The following AVEN variants were observed in gnomAD, a reference collection of about 807,000 sequenced individuals.
The protein encoded by AVEN is apoptosis and caspase activation inhibitor.
In AVEN, 41 loss-of-function variants were observed where a neutral mutation model predicts 38.1. That is an observed-to-expected ratio of 1.08 (90% CI 0.84 to 1.40). The LOEUF is 1.40. AVEN is among the 40% of genes most tolerant of loss of function. The pLI is 0.00. For synonymous variants in AVEN, 206 were observed against 171.8 expected (o/e 1.20, Z -1.56); for missense variants, 605 against 438.8 (o/e 1.38, Z -3.38).
chr15:34,007,909 C>A (rs564863418), intron 1 of AVEN, among the ~76,000 whole-genome samples: 2 of 152,284 alleles, frequency 1.3e-5, no homozygotes, highest in African/African-American at 2.4e-5. Flanking sequence ...GCATTTTCTC[C>A]TCTATGGGTG....
intron 2 of AVEN, among the ~76,000 whole-genome samples, chr15:33,983,589 T>A (rs983864727): frequency 6.6e-6 from 1 of 152,112 alleles, no homozygotes; most frequent in Non-Finnish European, 1.5e-5. Flanking sequence ...AAAAACAGTA[T>A]CTTTGCATAG....
rs749177881 is a variant in AVEN at position 33,875,919 on chromosome 15, T to C, written c.516+6A>G. The C allele has an allele frequency of 1.5e-5, 24 of 1,612,596 alleles. No homozygotes were observed. In the South Asian group the frequency reaches 2.4e-4, roughly 16 times the overall value. The stretch of plus-strand genomic sequence containing the variant: ...CAGTCCACACTTAACACAACTCTTA[T>C]CTTACCTGTTTTGGACAAGAAGCTT... On this transcript the variant is annotated splice_donor_region_variant and intron_variant, in intron 3 of 5. Transcript: ENST00000306730.
intron 2 of AVEN, among the ~76,000 whole-genome samples, chr15:33,995,631 A>T (rs1896901580): frequency 6.6e-6 from 1 of 152,188 alleles, no homozygotes; most frequent in Admixed American, 6.5e-5. Flanking sequence ...TTCTGCTCAG[A>T]CATTTTTCGA....
chr15:34,031,168 A>ATTTTTTTTTTTTTT (rs34414446), intron 1 of AVEN, among the ~76,000 whole-genome samples: 4 of 67,598 alleles, frequency 5.9e-5, no homozygotes, highest in African/African-American at 6.0e-5. Context: ...GCTTAGGTTA[A>ATTTTTTTTTTTTTT]TTTTTTTTTT....
At chr15:33,925,731 C>T (rs2153049086) in intron 2 of AVEN, among the ~76,000 whole-genome samples, 1 of 152,284 alleles carries the variant, frequency 6.6e-6, no homozygotes, top group East Asian at 1.9e-4. Flanking sequence ...TATGCTGATA[C>T]TCTCTTTAGT....
chr15:33,857,464 C>G (rs1262678551), downstream of AVEN, among the ~76,000 whole-genome samples: 1 of 152,112 alleles, frequency 6.6e-6, no homozygotes, highest in African/African-American at 2.4e-5. Flanking sequence ...GGCTGTATCT[C>G]CATCTCCAAA....
At chr15:33,961,649 T>C (rs1895177530) in intron 2 of AVEN, among the ~76,000 whole-genome samples, 1 of 150,934 alleles carries the variant, frequency 6.6e-6, no homozygotes, top group African/African-American at 2.4e-5. Context: ...CCGTCTCTAC[T>C]AAAAACACAA....
chr15:33,864,240 T>G, downstream of AVEN: 1 of 1,445,838 alleles, frequency 6.9e-7, no homozygotes, highest in African/African-American at 1.4e-5. Flanking sequence ...TTCCTAAATC[T>G]TGAGACTTAG....
At chr15:33,909,851 G>C (rs192132363) in intron 2 of AVEN, among the ~76,000 whole-genome samples, 1 of 151,956 alleles carries the variant, frequency 6.6e-6, no homozygotes, top group Non-Finnish European at 1.5e-5. Context: ...TTTGCTGGCC[G>C]GGCACGGTGG....
chr15:33,882,785 T>C (rs568965437), intron 2 of AVEN, among the ~76,000 whole-genome samples: 93 of 151,744 alleles, frequency 6.1e-4, no homozygotes, highest in African/African-American at 1.5e-3. Context: ...AGGTGGGAGA[T>C]TGCTTGAGCC....
At position 33,992,212 on chromosome 15, in the gene AVEN, C is replaced by T. The variant is rs953442713; in HGVS notation, c.445+10820G>A. ...ACCATCCTGGCTAACAAGGTGAAAC[C>T]CCGTCTCTACTAAAAAAATACAAAA... is the stretch of plus-strand genomic sequence containing the variant. On this transcript the variant is annotated intron_variant, in intron 2 of 5. Transcript: ENST00000306730. 2.9e-4 allele frequency among the ~76,000 whole-genome samples: 44 copies of T among 152,230 alleles called. 1 individual carries two copies. The highest frequency in any genetic ancestry group is 2.8e-4 in the Non-Finnish European group (19 of 68,026).
At chr15:33,871,986 T>C (rs948689737) in intron 3 of AVEN, among the ~76,000 whole-genome samples, 5 of 152,170 alleles carry the variant, frequency 3.3e-5, no homozygotes, top group Admixed American at 6.6e-5. Flanking sequence ...CGGTGCATTA[T>C]TTTTGCCTGG....
chr15:33,930,206 C>T (rs1198994371), intron 2 of AVEN, among the ~76,000 whole-genome samples: 1 of 152,124 alleles, frequency 6.6e-6, no homozygotes, highest in Non-Finnish European at 1.5e-5. Context: ...CTATTGTTTC[C>T]TACTCTAAGA....
intron 5 of AVEN, among the ~76,000 whole-genome samples, chr15:34,047,566 C>CA (rs1183123846): frequency 6.6e-6 from 1 of 152,158 alleles, no homozygotes; most frequent in Non-Finnish European, 1.5e-5. Flanking sequence ...CAGTAAAAGC[C>CA]AGAGTCTGCC....
chr15:33,961,487 A>G (rs909899182), intron 2 of AVEN, among the ~76,000 whole-genome samples: 76 of 152,078 alleles, frequency 5.0e-4, no homozygotes, highest in Non-Finnish European at 1.3e-4. Context: ...GTGAATGCCA[A>G]CCTCTGAGAT....
At chr15:33,859,529 C>G (rs780777814) in intron 11 of AVEN, 5 of 1,606,984 alleles carry the variant, frequency 3.1e-6, no homozygotes, top group Non-Finnish European at 4.3e-6. Flanking sequence ...TTGCTAAAAA[C>G]AGAACTGTGA....
chr15:33,876,179 G>A (rs1488025496), intron 2 of AVEN, among the ~76,000 whole-genome samples, 184 bp from the exon 3 acceptor site: 5 of 151,060 alleles, frequency 3.3e-5, no homozygotes, highest in South Asian at 4.3e-4. Flanking sequence ...AGATGACAAT[G>A]TTAACATTTG....
intron 2 of AVEN, among the ~76,000 whole-genome samples, chr15:33,927,498 T>G (rs554463747): frequency 2.0e-5 from 3 of 152,266 alleles, no homozygotes; most frequent in African/African-American, 7.2e-5. Flanking sequence ...TTTCTAACCA[T>G]ACTTTGCTAT....
intron 2 of AVEN, among the ~76,000 whole-genome samples, chr15:33,917,383 C>T (rs1298847074): frequency 0.012 from 1 of 86 alleles, no homozygotes; most frequent in Non-Finnish European, 0.026. Context: ...TGTATACACA[C>T]ACACACACAC....
Sources: allele counts gnomAD v4.1 joint callset (sites outside exome capture counted in the v4.1 genomes callset), GRCh38; gene constraint gnomAD v4.1.1; transcripts MANE v1.5; gene names NCBI Gene and HGNC (gene_info 2026-07-23, HGNC 2026-07-21).